Variants in ANGPTL1 observed in about 807,000 individuals in gnomAD.
ANGPTL1 encodes angiopoietin like 1, also known as angiopoietin-related protein 1.
ANGPTL1 carries 36 observed loss-of-function variants against 46.7 expected under a neutral mutation model. The observed-to-expected ratio is 0.77, with a 90% CI of 0.59 to 1.02. ANGPTL1 has a LOEUF of 1.02. Among genes scored for constraint, ANGPTL1 ranks in the 50% least tolerant of loss-of-function variants. ANGPTL1 has a pLI of 0.00. For missense variants in ANGPTL1, 571 were observed against 594.7 expected, an observed-to-expected ratio of 0.96 and a Z score of 0.41; for synonymous variants, 221 against 204.3, an observed-to-expected ratio of 1.08 and a Z score of -0.69.
intron 3 of ANGPTL1, among the ~76,000 whole-genome samples, chr1:178,855,592 A>G (rs910134560): frequency 1.3e-5 from 2 of 151,892 alleles, no homozygotes; most frequent in South Asian, 4.2e-4. Context: ...TATTTTAGGT[A>G]TTGTATTTTT....
chr1:178,853,572 T>C, intron 4 of ANGPTL1, 22 bp downstream of exon 4: 1 of 1,542,550 alleles, frequency 6.5e-7, no homozygotes, highest in Non-Finnish European at 8.7e-7. Context: ...TTACTTCCCT[T>C]AGGTCTGCAT....
At position 178,852,926 on chromosome 1, in the gene ANGPTL1, A is replaced by G. The variant is rs138264170; in HGVS notation, c.1045T>C (p.Tyr349His). The change falls in exon 5 of 6, where the codon TAC (tyrosine) becomes CAC (histidine). Residue 349 changes from tyrosine to histidine, a missense_variant. Physicochemically the swap from Tyr to His is moderately conservative, Grantham distance 83. Coordinates refer to ENST00000234816, the MANE Select transcript of ANGPTL1 (RefSeq NM_004673.4). Reference protein sequence around the residue: ...KKGFGNIDGEYWLGLENIYML... With the variant: ...KKGFGNIDGEHWLGLENIYML... ...TAGATATTTTCCAGTCCAAGCCAGT[A>G]TTCTCCGTCAATGTTTCCAAACCCT... 1.1e-4 allele frequency: 178 copies of G among 1,612,434 alleles called. 1 individual carries two copies. The Middle Eastern group carries it at 1.8e-3, about 16-fold the overall frequency.
chr1:178,864,114 TGAATTCA>T (rs967653977), intron 3 of ANGPTL1, among the ~76,000 whole-genome samples: 2 of 152,128 alleles, frequency 1.3e-5, no homozygotes, highest in Non-Finnish European at 2.9e-5. Context: ...CATAAAATAC[TGAATTCA>T]GAAAGTTAGC....
At chr1:178,861,880 AGTT>A (rs1181081430) in intron 3 of ANGPTL1, among the ~76,000 whole-genome samples, 6 of 151,492 alleles carry the variant, frequency 4.0e-5, no homozygotes, top group South Asian at 2.1e-4. Context: ...TTGTTGTTGT[AGTT>A]GTTGTTGTTG....
At chr1:178,859,626 A>G (rs979497764) in intron 3 of ANGPTL1, among the ~76,000 whole-genome samples, 1 of 151,028 alleles carries the variant, frequency 6.6e-6, no homozygotes, top group Non-Finnish European at 1.5e-5. Context: ...GGAAAGACAC[A>G]TAAAGGGAAG....
chr1:178,855,886 A>G (rs1370921036), intron 3 of ANGPTL1, among the ~76,000 whole-genome samples: 2 of 150,774 alleles, frequency 1.3e-5, no homozygotes, highest in Non-Finnish European at 3.0e-5. Flanking sequence ...TGAGATGATG[A>G]TAGGGTTTTT....
chr1:178,851,246 T>C lies in ANGPTL1; in HGVS notation c.1359A>G (p.Val453=), dbSNP rs1408200067. 1 of 1,613,828 alleles carries C rather than the reference T, an allele frequency of 6.2e-7. No homozygotes were observed. The highest frequency in any genetic ancestry group is 8.5e-7 in the Non-Finnish European group (1 of 1,179,882). ...NACAHSNLNG[V]WYRGGHYRSK... ...TTCTGTAATGGCCTCCTCTGTACCA[T>C]ACTCCATTTAGGTTAGAATGTGCAC... The change falls in exon 6 of 6, where the codon GTA becomes GTG. Residue 453 remains valine, a synonymous_variant. Coordinates refer to ENST00000234816, the MANE Select transcript of ANGPTL1 (RefSeq NM_004673.4).
At chr1:178,869,472 G>A (rs1658614766) in intron 1 of ANGPTL1, among the ~76,000 whole-genome samples, 2 of 151,976 alleles carry the variant, frequency 1.3e-5, no homozygotes, top group Non-Finnish European at 2.9e-5. Flanking sequence ...TGTAATTTGG[G>A]GTTCAGATTA....
rs557292905 is a variant in ANGPTL1, at chr1:178,858,758, T to C, written c.824-4971A>G. On this transcript the variant is annotated intron_variant, in intron 3 of 5. Transcript: ENST00000234816. ...ATTTATTAAGAACCCATATTTTGAA[T>C]AGAACAGTGAGTTAAAAAAGAAAAA... 2.6e-5 allele frequency among the ~76,000 whole-genome samples: 4 copies of C among 152,272 alleles called. No individual in the cohort carries two copies. In the East Asian group the frequency reaches 7.7e-4, roughly 29 times the overall value.
chr1:178,856,202 G>GAGAGATATATATATATAT (rs1428022812), intron 3 of ANGPTL1, among the ~76,000 whole-genome samples: 10 of 83,902 alleles, frequency 1.2e-4, no homozygotes, highest in African/African-American at 5.8e-4. Context: ...GAGAGAGAGA[G>GAGAGATATATATATATAT]ATATATATAT....
At chr1:178,862,725 A>T (rs1658121711) in intron 3 of ANGPTL1, among the ~76,000 whole-genome samples, 1 of 152,032 alleles carries the variant, frequency 6.6e-6, no homozygotes, top group Non-Finnish European at 1.5e-5. Flanking sequence ...AATTTGTTTT[A>T]TTGGAACAGA....
At chr1:178,854,698 G>C (rs1195563542) in intron 3 of ANGPTL1, among the ~76,000 whole-genome samples, 1 of 152,146 alleles carries the variant, frequency 6.6e-6, no homozygotes, top group Non-Finnish European at 1.5e-5. Context: ...GTAAACCCTA[G>C]ATAGACATAA....
intron 3 of ANGPTL1, among the ~76,000 whole-genome samples, chr1:178,859,391 C>G (rs1241923576): frequency 1.3e-5 from 2 of 150,162 alleles, no homozygotes; most frequent in Non-Finnish European, 3.0e-5. Context: ...TGACTACTTT[C>G]CAAGTTTAAC....
intron 5 of ANGPTL1, 28 bp from the exon 6 acceptor site, chr1:178,851,344 G>T: frequency 6.3e-7 from 1 of 1,582,536 alleles, no homozygotes. Context: ...AGATATAAAT[G>T]TAAAAGTTTC....
chr1:178,852,822 G>A lies in ANGPTL1; in HGVS notation c.1149C>T (p.Tyr383=). 3 of 1,613,886 alleles carry A rather than the reference G, an allele frequency of 1.9e-6. No individual in the cohort carries two copies. Among genetic ancestry groups the A allele is most frequent in the East Asian group, 2.2e-5 (1 of 44,864 alleles). Residue 383 remains tyrosine (Y), a synonymous_variant, in exon 5 of 6, where the codon TAC becomes TAT. Coordinates refer to ENST00000234816, the MANE Select transcript of ANGPTL1 (RefSeq NM_004673.4). ...DWSDKKVYAE[Y]SSFRLEPESE... is the part of the protein sequence containing the mutation. The stretch of plus-strand genomic sequence containing the variant: ...TTTCAGGTTCCAGACGAAAGCTGCT[G>A]TATTCTGCATAGACTTTTTTATCAC...
At chr1:178,864,375 C>G (rs2862520) in intron 3 of ANGPTL1, among the ~76,000 whole-genome samples, 71,216 of 151,708 alleles carry the variant, frequency 0.47, 18,096 homozygotes, top group African/African-American at 0.66. Context: ...TTGAGGCTGA[C>G]GGCAAGAAGG....
intron 3 of ANGPTL1, among the ~76,000 whole-genome samples, chr1:178,858,731 G>A (rs892448325): frequency 1.3e-5 from 2 of 152,066 alleles, no homozygotes; most frequent in African/African-American, 4.8e-5. Flanking sequence ...TTCCCAAGGT[G>A]TATTTATTAA....
intron 3 of ANGPTL1, among the ~76,000 whole-genome samples, chr1:178,857,594 A>T (rs1232810971): frequency 6.6e-6 from 1 of 152,216 alleles, no homozygotes; most frequent in Non-Finnish European, 1.5e-5. Context: ...TATTATAGTT[A>T]ATGCACACAT....
At chr1:178,856,420 T>TTTTTTTTTTTTTTG (rs1558152822) in intron 3 of ANGPTL1, among the ~76,000 whole-genome samples, 3 of 120,578 alleles carry the variant, frequency 2.5e-5, no homozygotes, top group African/African-American at 1.0e-4. Context: ...TTTTTTTTTT[T>TTTTTTTTTTTTTTG]TTTTTTGAGA....
Sources: allele counts gnomAD v4.1 joint callset (sites outside exome capture counted in the v4.1 genomes callset), GRCh38; gene constraint gnomAD v4.1.1; transcripts MANE v1.5; gene names NCBI Gene and HGNC (gene_info 2026-07-23, HGNC 2026-07-21).